Variants in DDX49 observed in about 807,000 individuals in gnomAD.
The protein encoded by DDX49 is DEAD-box helicase 49.
DDX49 carries 50 observed loss-of-function variants against 56.3 expected under a neutral mutation model. The ratio of observed to expected loss-of-function variants is 0.89; its 90% confidence interval spans 0.71 to 1.12. The LOEUF is 1.12. DDX49 is among the 50% of genes most tolerant of loss of function. The pLI, the probability that DDX49 is intolerant of heterozygous loss-of-function variation, is 0.00. For synonymous variants in DDX49, 269 were observed against 270.6 expected, an observed-to-expected ratio of 0.99 and a Z score of 0.06; for missense variants, 614 against 650.5, an observed-to-expected ratio of 0.94 and a Z score of 0.61.
chr19:18,920,485 G>C, intron 1 of DDX49, 95 bp from the exon 2 acceptor site: 1 of 1,361,496 alleles, frequency 7.3e-7, no homozygotes, highest in South Asian at 1.5e-5. Flanking sequence ...TTCCAGTCCA[G>C]CCTGCCACTC....
intron 9 of DDX49, chr19:18,925,254 C>A (rs4808876): frequency 0.4 from 162,677 of 407,296 alleles, 34,610 homozygotes; most frequent in Admixed American, 0.53. Context: ...ACTCTGTCTC[C>A]AAAAAAATAA....
At chr19:18,927,645 C>T in intron 10 of DDX49, 121 bp from the exon 11 acceptor site, 2 of 767,920 alleles carry the variant, frequency 2.6e-6, no homozygotes, top group Non-Finnish European at 4.4e-6. Flanking sequence ...TGACCCTTAC[C>T]TGATATGGCC....
chr19:18,927,665 C>A, intron 10 of DDX49, 101 bp from the exon 11 acceptor site: 2 of 982,638 alleles, frequency 2.0e-6, no homozygotes, highest in Non-Finnish European at 3.2e-6. Flanking sequence ...CCCAGATGGC[C>A]TTGCATACCC....
chr19:18,925,322 G>A (rs887862593), intron 9 of DDX49: 7 of 223,380 alleles, frequency 3.1e-5, no homozygotes, highest in South Asian at 6.9e-5. Context: ...TTGGGAGGCC[G>A]AGGTGGGTGG....
In DDX49 at chr19:18,922,436, C is replaced by T. The variant is rs761626962; in HGVS notation, c.558C>T (p.Ser186=). ...VPARRQTLLF[S]ATLTDTLREL... is the part of the protein sequence containing the mutation. ...CCCGCAGGCAGACACTGCTGTTCAG[C>T]GCCACGCTGACCGACACACTCCGGG... is the stretch of plus-strand genomic sequence containing the variant. The change falls in exon 5 of 13, where the codon AGC becomes AGT. Residue 186 remains serine (S), a synonymous_variant. Transcript: ENST00000247003. The T allele has an allele frequency of 1.8e-5, 29 of 1,606,262 alleles. No individual in the cohort carries two copies. In the South Asian group the frequency reaches 2.1e-4, roughly 12 times the overall value.
chr19:18,923,944 G>C (rs960859605), intron 6 of DDX49, among the ~76,000 whole-genome samples: 1 of 151,768 alleles, frequency 6.6e-6, no homozygotes, highest in Admixed American at 6.6e-5. Flanking sequence ...AGTAGCTGAG[G>C]CTACAGTCAT....
rs774272419 is a variant in DDX49 at position 18,922,377 on chromosome 19, G to A, written c.499G>A (p.Val167Met). ...GGAACAGGGCTGCACTGACTTCACC[G>A]TGGACCTGGAGGCCATCCTGGCGGC... Reference protein sequence around the residue: ...LLEQGCTDFTVDLEAILAAVP... With the variant: ...LLEQGCTDFTMDLEAILAAVP... The change falls in exon 5 of 13, where the codon GTG becomes ATG. Residue 167 changes from valine (V) to methionine (M), a missense_variant. Transcript: ENST00000247003. 10 of 1,611,796 alleles carry A rather than the reference G, an allele frequency of 6.2e-6. No homozygotes were observed. Among genetic ancestry groups the A allele is most frequent in the Non-Finnish European group, 5.9e-6 (7 of 1,179,718 alleles).
intron 2 of DDX49, 31 bp from the exon 3 acceptor site, chr19:18,921,632 C>G (rs1478526452): frequency 6.2e-7 from 1 of 1,609,012 alleles, no homozygotes; most frequent in Non-Finnish European, 8.5e-7. Flanking sequence ...GAACCACTAC[C>G]TGACCCAGCC....
chr19:18,919,866 G>A lies in DDX49; in HGVS notation c.115+10G>A. 1 of 1,564,758 alleles carries A rather than the reference G, an allele frequency of 6.4e-7. No homozygotes were observed. Among genetic ancestry groups the A allele is most frequent in the Non-Finnish European group, 8.7e-7 (1 of 1,144,292 alleles). On this transcript the variant is annotated intron_variant, in intron 1 of 12. Coordinates refer to ENST00000247003, the MANE Select transcript of DDX49 (RefSeq NM_019070.5). ...CCCGCCATCCTGGAGGGTGAGTATGGCCCAGGGCCTTCCCCAAGAGGCCTC... is the reference window on the plus strand; with the variant it reads ...CCCGCCATCCTGGAGGGTGAGTATGACCCAGGGCCTTCCCCAAGAGGCCTC...
chr19:18,926,423 G>GGGGGGC, intron 10 of DDX49, 46 bp downstream of exon 10: 1 of 490,300 alleles, frequency 2.0e-6, no homozygotes, highest in Non-Finnish European at 3.9e-6. Flanking sequence ...GGTGGGGTGG[G>GGGGGGC]CAGAGGTGGG....
At chr19:18,923,864 A>G (rs2056938908) in intron 6 of DDX49, among the ~76,000 whole-genome samples, 2 of 148,592 alleles carry the variant, frequency 1.3e-5, no homozygotes, top group East Asian at 4.0e-4. Context: ...CTGGAGTGCA[A>G]TGGCGCAATC....
At chr19:18,923,446 C>T (rs897569184) in intron 6 of DDX49, among the ~76,000 whole-genome samples, 2 of 152,088 alleles carry the variant, frequency 1.3e-5, no homozygotes, top group Non-Finnish European at 2.9e-5. Flanking sequence ...CACTTGAACC[C>T]GGTAGGTGGA....
chr19:18,922,392 A>G lies in DDX49; in HGVS notation c.514A>G (p.Ile172Val), dbSNP rs750071180. Residue 172 changes from isoleucine to valine, a missense_variant, in exon 5 of 13, where the codon ATC becomes GTC. Ile to Val is a conservative substitution (Grantham distance 29). Transcript: ENST00000247003. The stretch of plus-strand genomic sequence containing the variant: ...TGACTTCACCGTGGACCTGGAGGCC[A>G]TCCTGGCGGCTGTGCCGGCCCGCAG... ...CTDFTVDLEAILAAVPARRQT... is the reference protein window; with the variant it reads ...CTDFTVDLEAVLAAVPARRQT... 4.3e-6 allele frequency: 7 copies of G among 1,611,620 alleles called. No individual in the cohort carries two copies. The highest frequency in any genetic ancestry group is 5.9e-6 in the Non-Finnish European group (7 of 1,179,732).
chr19:18,926,232 T>G (rs766954398), intron 9 of DDX49, 71 bp from the exon 10 acceptor site: 1 of 1,484,710 alleles, frequency 6.7e-7, no homozygotes. Flanking sequence ...TGTGTAGCTG[T>G]CAGGATCTAC....
chr19:18,922,531 A>C lies in DDX49; in HGVS notation c.635+18A>C, dbSNP rs539666528. On this transcript the variant is annotated intron_variant, in intron 5 of 12. Coordinates refer to ENST00000247003, the MANE Select transcript of DDX49 (RefSeq NM_019070.5). ...CAGGCCCCGTGAGTCCACAGCCCAGACAGCGTGGGGAGGGCAGCCCCATCC... is the reference window on the plus strand; with the variant it reads ...CAGGCCCCGTGAGTCCACAGCCCAGCCAGCGTGGGGAGGGCAGCCCCATCC... 1 of 1,598,442 alleles carries C rather than the reference A, an allele frequency of 6.3e-7. No homozygotes were observed. Among genetic ancestry groups the C allele is most frequent in the East Asian group, 2.2e-5 (1 of 44,586 alleles).
chr19:18,920,533 G>T, intron 1 of DDX49, 47 bp from the exon 2 acceptor site: 1 of 1,552,172 alleles, frequency 6.4e-7, no homozygotes, highest in Non-Finnish European at 8.8e-7. Flanking sequence ...CTGAAACCCA[G>T]CTGTCCACAC....
Position 18,924,955 on chromosome 19 carries a change from C to G in DDX49, c.1003C>G (p.Arg335Gly). ...CGGGCTCCCCAAGATCTACATCCAC[C>G]GAGTCGGCCGGACGGCCCGTGCAGG... ...TPGLPKIYIH[R>G]VGRTARAGRQ... The change falls in exon 9 of 13, where the codon CGA (arginine) becomes GGA (glycine). Residue 335 changes from arginine to glycine, a missense_variant. Coordinates refer to ENST00000247003, the MANE Select transcript of DDX49 (RefSeq NM_019070.5). The G allele has an allele frequency of 2.5e-6, 4 of 1,612,024 alleles. No homozygotes were observed. Among genetic ancestry groups the G allele is most frequent in the Non-Finnish European group, 3.4e-6 (4 of 1,179,960 alleles).
intron 9 of DDX49, among the ~76,000 whole-genome samples, chr19:18,925,698 G>A (rs377319371): frequency 1.4e-4 from 21 of 152,220 alleles, no homozygotes; most frequent in Middle Eastern, 3.4e-3. Flanking sequence ...ACACAGCTCC[G>A]GCCCCCACTA....
chr19:18,926,062 G>T (rs10415986), intron 9 of DDX49, among the ~76,000 whole-genome samples: 22 of 151,992 alleles, frequency 1.4e-4, no homozygotes, highest in African/African-American at 5.1e-4. Context: ...AAGGGAAATC[G>T]GGCAGTAACT....
Sources: gnomAD v4.1 joint callset for allele counts (sites outside exome capture counted in the v4.1 genomes callset) on GRCh38, gnomAD v4.1.1 for gene constraint, MANE v1.5 for transcripts, NCBI Gene and HGNC (gene_info 2026-07-23, HGNC 2026-07-21) for gene names.